The following GLIS3 variants were observed in gnomAD, a reference collection of about 807,000 sequenced individuals.
GLIS3 encodes GLIS family zinc finger 3, also known as zinc finger protein GLIS3.
A neutral mutation model predicts 78.6 loss-of-function variants in GLIS3; 53 were observed. The observed-to-expected ratio is 0.67, with a 90% CI of 0.54 to 0.85. The LOEUF is 0.85. Ranked by LOEUF, GLIS3 falls within the 40% of genes least tolerant of loss-of-function variation. The pLI, the probability that GLIS3 is intolerant of heterozygous loss-of-function variation, is 0.00. For synonymous variants in GLIS3, 684 were observed against 509.9 expected, an observed-to-expected ratio of 1.34 and a Z score of -4.60; for missense variants, 1,703 against 1,231.1, an observed-to-expected ratio of 1.38 and a Z score of -5.74.
At chr9:4,205,842 G>C (rs1277063750) in intron 2 of GLIS3, among the ~76,000 whole-genome samples, 1 of 152,188 alleles carries the variant, frequency 6.6e-6, no homozygotes, top group African/African-American at 2.4e-5. Context: ...TCAAGGGATA[G>C]GTAGACATAT....
At chr9:4,241,977 C>T (rs1455565188) in intron 2 of GLIS3, among the ~76,000 whole-genome samples, 2 of 152,230 alleles carry the variant, frequency 1.3e-5, no homozygotes, top group East Asian at 3.8e-4. Context: ...GGCCACCGTG[C>T]CTGGCCCCAT....
chr9:3,908,651 G>A (rs746586903), intron 6 of GLIS3, among the ~76,000 whole-genome samples: 20 of 150,766 alleles, frequency 1.3e-4, no homozygotes, highest in South Asian at 2.1e-4. Flanking sequence ...CTAACAATGC[G>A]GGGATTTTTT....
At chr9:4,010,317 T>C (rs1821898153) in intron 4 of GLIS3, among the ~76,000 whole-genome samples, 1 of 152,150 alleles carries the variant, frequency 6.6e-6, no homozygotes, top group Admixed American at 6.5e-5. Flanking sequence ...TCAGTTGCAA[T>C]ATGGGAAGAT....
chr9:4,465,192 A>C, the GLIS3 span, among the ~76,000 whole-genome samples: 1 of 152,254 alleles, frequency 6.6e-6, no homozygotes, highest in Non-Finnish European at 1.5e-5. Flanking sequence ...TGACCAGAGA[A>C]AGGATAATCC....
intron 9 of GLIS3, 107 bp from the exon 10 acceptor site, chr9:3,829,599 C>G (rs967715355): frequency 5.4e-6 from 6 of 1,106,794 alleles, no homozygotes; most frequent in Admixed American, 1.9e-5. Context: ...AAGACAAATG[C>G]CTTTAACTCT....
chr9:4,067,485 C>T (rs1442499449), intron 4 of GLIS3, among the ~76,000 whole-genome samples: 3 of 152,028 alleles, frequency 2.0e-5, no homozygotes, highest in Non-Finnish European at 1.5e-5. Flanking sequence ...GAAAAAGACG[C>T]TGTAGGTCAA....
the GLIS3 span, among the ~76,000 whole-genome samples, chr9:4,393,914 A>G: frequency 3.9e-5 from 6 of 152,140 alleles, no homozygotes; most frequent in Non-Finnish European, 8.8e-5. Flanking sequence ...GATCCTTTCT[A>G]TGACCTTTAT....
intron 2 of GLIS3, among the ~76,000 whole-genome samples, chr9:4,202,441 TAAAATAAA>T (rs1819490762): frequency 7.2e-6 from 1 of 138,356 alleles, no homozygotes; most frequent in Non-Finnish European, 1.6e-5. Context: ...TAAAATAAAA[TAAAATAAA>T]ATAAAAATAA....
chr9:4,417,941 A>C, the GLIS3 span, among the ~76,000 whole-genome samples: 1 of 152,198 alleles, frequency 6.6e-6, no homozygotes, highest in South Asian at 2.1e-4. Context: ...GGAACAATTG[A>C]TATTTTCAAT....
chr9:4,278,707 G>A (rs1480088748), intron 2 of GLIS3, among the ~76,000 whole-genome samples: 1 of 152,186 alleles, frequency 6.6e-6, no homozygotes, highest in Non-Finnish European at 1.5e-5. Context: ...TATCATCAAT[G>A]GATGCTATGA....
At chr9:4,244,557 G>C (rs1414351486) in intron 2 of GLIS3, among the ~76,000 whole-genome samples, 1 of 152,180 alleles carries the variant, frequency 6.6e-6, no homozygotes, top group Admixed American at 6.5e-5. Flanking sequence ...GTAGATATCT[G>C]TTAAAGATCT....
intron 4 of GLIS3, among the ~76,000 whole-genome samples, chr9:3,946,980 ACGCCTCTGT>A (rs1198744702): frequency 7.0e-6 from 1 of 143,318 alleles, no homozygotes; most frequent in Non-Finnish European, 1.6e-5. Flanking sequence ...CCACGACGCC[ACGCCTCTGT>A]CGGCCATCCT....
intron 2 of GLIS3, among the ~76,000 whole-genome samples, chr9:4,241,395 A>G (rs1196223215): frequency 6.6e-6 from 1 of 152,206 alleles, no homozygotes; most frequent in South Asian, 2.1e-4. Flanking sequence ...TGTTTGATAC[A>G]TCACTAAGTT....
intron 2 of GLIS3, among the ~76,000 whole-genome samples, chr9:4,329,354 A>C (rs10814941): frequency 1.3e-5 from 2 of 152,068 alleles, no homozygotes; most frequent in Admixed American, 6.5e-5. Context: ...TAATGTTTTC[A>C]TTTTGACGTC....
At chr9:4,224,716 T>C (rs922789870) in intron 2 of GLIS3, among the ~76,000 whole-genome samples, 5 of 131,466 alleles carry the variant, frequency 3.8e-5, no homozygotes, top group African/African-American at 7.9e-5. Flanking sequence ...TTTTCATCTT[T>C]TTCTGTTTTT....
At chr9:4,373,662 TTTC>T in the GLIS3 span, among the ~76,000 whole-genome samples, 222 of 150,744 alleles carry the variant, frequency 1.5e-3, 1 homozygote, top group African/African-American at 5.3e-3. Flanking sequence ...AAAACATAAT[TTTC>T]TTTTCTTTTT....
At chr9:4,405,964 C>A in the GLIS3 span, among the ~76,000 whole-genome samples, 1 of 152,274 alleles carries the variant, frequency 6.6e-6, no homozygotes, top group Non-Finnish European at 1.5e-5. Flanking sequence ...AGGACAAAAT[C>A]CATATGATCA....
At chr9:4,287,194 C>T (rs1258026798) in intron 1 of GLIS3, among the ~76,000 whole-genome samples, 1 of 152,156 alleles carries the variant, frequency 6.6e-6, no homozygotes, top group Non-Finnish European at 1.5e-5. Flanking sequence ...ATACTGCAAC[C>T]TTCCACTAAA....
intron 4 of GLIS3, among the ~76,000 whole-genome samples, chr9:4,097,240 C>T (rs1311582093): frequency 6.6e-6 from 1 of 151,828 alleles, no homozygotes; most frequent in African/African-American, 2.4e-5. Flanking sequence ...ATTGCCTCTA[C>T]CATAAATTAA....
Sources: allele counts gnomAD v4.1 joint callset (sites outside exome capture counted in the v4.1 genomes callset), GRCh38; gene constraint gnomAD v4.1.1; transcripts MANE v1.5; gene names NCBI Gene and HGNC (gene_info 2026-07-23, HGNC 2026-07-21).